Variants in BBOX1 observed in about 807,000 individuals in gnomAD.
The protein encoded by BBOX1 is gamma-butyrobetaine hydroxylase 1.
In BBOX1, 35 loss-of-function variants were observed where a neutral mutation model predicts 41.6. That is an observed-to-expected ratio of 0.84 (90% CI 0.64 to 1.11). The LOEUF is 1.11. Ranked by LOEUF, BBOX1 falls within the 50% of genes most tolerant of loss-of-function variation. BBOX1 has a pLI of 0.00. For missense variants in BBOX1, 458 were observed against 460.6 expected (o/e 0.99, Z 0.05); for synonymous variants, 163 against 154.7 (o/e 1.05, Z -0.40).
chr11:27,057,345 T>C (rs757358767), intron 4 of BBOX1, 30 bp downstream of exon 4: 2 of 1,526,916 alleles, frequency 1.3e-6, no homozygotes, highest in Non-Finnish European at 1.8e-6. Context: ...CAATGTCTTT[T>C]TAAACCCTTA....
At chr11:27,085,777 C>G (rs987982525) in intron 4 of BBOX1, among the ~76,000 whole-genome samples, 2 of 152,092 alleles carry the variant, frequency 1.3e-5, no homozygotes, top group Non-Finnish European at 2.9e-5. Flanking sequence ...AAAGCTAGGC[C>G]TCTTGCACCA....
At chr11:27,080,310 G>C (rs1465487209) in intron 4 of BBOX1, among the ~76,000 whole-genome samples, 1 of 151,916 alleles carries the variant, frequency 6.6e-6, no homozygotes, top group Non-Finnish European at 1.5e-5. Context: ...ATTTGTATGG[G>C]TCCTCTCTCT....
At chr11:27,047,346 G>A (rs1200501282) in intron 2 of BBOX1, 2 of 152,174 alleles carry the variant, frequency 1.3e-5, no homozygotes, top group African/African-American at 4.8e-5. Flanking sequence ...AAAACAGATA[G>A]AAAGCTCAAA....
intron 5 of BBOX1, among the ~76,000 whole-genome samples, chr11:27,097,023 CT>C (rs1207217341): frequency 5.9e-5 from 9 of 152,058 alleles, no homozygotes; most frequent in Non-Finnish European, 1.2e-4. Flanking sequence ...AGTAACTTTA[CT>C]CACTTGATAA....
In BBOX1 at chr11:27,102,478, C is replaced by T. The variant is rs1858697379; in HGVS notation, c.533+9112C>T. On this transcript the variant is annotated intron_variant, in intron 5 of 8. Transcript: ENST00000263182. ...TATCCCAACCAAGCATAAACCTTGC[C>T]TTTTTCCCCAAGTGTAATGGCTTTC... Among the ~76,000 whole-genome samples the T allele has an allele frequency of 1.3e-5, 2 of 151,994 alleles. 1 individual carries two copies. The highest frequency in any genetic ancestry group is 4.1e-4 in the South Asian group (2 of 4,826).
chr11:27,116,180 A>C (rs998205947), intron 6 of BBOX1, among the ~76,000 whole-genome samples: 2 of 152,020 alleles, frequency 1.3e-5, no homozygotes, highest in East Asian at 3.9e-4. Context: ...AGGGACATGG[A>C]TGAAGATGGA....
intron 5 of BBOX1, among the ~76,000 whole-genome samples, chr11:27,102,080 G>T (rs1278006640): frequency 1.3e-5 from 2 of 151,986 alleles, no homozygotes; most frequent in Admixed American, 1.3e-4. Context: ...TACATACGTT[G>T]ACATAAGCTT....
At chr11:27,042,413 T>A (rs1187798470) in intron 2 of BBOX1, among the ~76,000 whole-genome samples, 1 of 152,198 alleles carries the variant, frequency 6.6e-6, no homozygotes, top group Non-Finnish European at 1.5e-5. Flanking sequence ...AATGCAGTGA[T>A]GCAATCACAG....
chr11:27,044,282 A>G (rs1482582066), intron 2 of BBOX1, among the ~76,000 whole-genome samples: 1 of 151,632 alleles, frequency 6.6e-6, no homozygotes, highest in African/African-American at 2.4e-5. Flanking sequence ...CCCATTTTTG[A>G]TGGGTTTTTT....
intron 4 of BBOX1, among the ~76,000 whole-genome samples, chr11:27,074,211 A>C (rs987619709): frequency 1.3e-5 from 2 of 152,018 alleles, no homozygotes; most frequent in African/African-American, 4.8e-5. Flanking sequence ...TGGAACTGTG[A>C]ATCAATTAAA....
intron 4 of BBOX1, among the ~76,000 whole-genome samples, chr11:27,083,295 C>G (rs1471444282): frequency 6.6e-6 from 1 of 151,974 alleles, no homozygotes; most frequent in East Asian, 1.9e-4. Flanking sequence ...AGGAAAGGAG[C>G]AATATTGGTG....
chr11:27,111,679 T>G (rs920354692), intron 5 of BBOX1, among the ~76,000 whole-genome samples: 2 of 151,906 alleles, frequency 1.3e-5, no homozygotes, highest in African/African-American at 4.8e-5. Context: ...GTTTAATACT[T>G]TTTCATAAAT....
At chr11:27,083,804 T>C (rs1857937718) in intron 4 of BBOX1, among the ~76,000 whole-genome samples, 1 of 152,150 alleles carries the variant, frequency 6.6e-6, no homozygotes, top group African/African-American at 2.4e-5. Context: ...TCTCTTTGCA[T>C]AGCAAGGATT....
rs766653293 is a variant in BBOX1 at position 27,119,780 on chromosome 11, G to A, written c.771G>A (p.Val257=). 1 of 1,600,058 alleles carries A rather than the reference G, an allele frequency of 6.2e-7. No homozygotes were observed. Among genetic ancestry groups the A allele is most frequent in the East Asian group, 2.3e-5 (1 of 43,970 alleles). ...TCCAGATTTTGTCCTCTACCTTTGT[G>A]GACTTTACAGACATTGGAGTGGATT... ...QAFQILSSTF[V]DFTDIGVDYC... The change falls in exon 7 of 9, where the codon GTG becomes GTA. Residue 257 remains valine (V), a synonymous_variant. Coordinates refer to ENST00000263182, the MANE Select transcript of BBOX1 (RefSeq NM_003986.3).
At chr11:27,088,931 C>T (rs901399727) in intron 4 of BBOX1, among the ~76,000 whole-genome samples, 5 of 151,936 alleles carry the variant, frequency 3.3e-5, no homozygotes, top group African/African-American at 1.2e-4. Flanking sequence ...ATTATTGATA[C>T]TATGGATCTT....
chr11:27,044,574 G>A (rs148164836), intron 2 of BBOX1, among the ~76,000 whole-genome samples: 219 of 152,198 alleles, frequency 1.4e-3, no homozygotes, highest in African/African-American at 4.3e-3. Flanking sequence ...TAGGTCTTGC[G>A]TTTAAGTCTT....
chr11:27,107,599 C>T (rs1858915232), intron 5 of BBOX1, among the ~76,000 whole-genome samples: 1 of 151,882 alleles, frequency 6.6e-6, no homozygotes, highest in Non-Finnish European at 1.5e-5. Context: ...TGAGTTGTTG[C>T]CTTACTTGGA....
intron 4 of BBOX1, among the ~76,000 whole-genome samples, chr11:27,081,801 G>A (rs1857846623): frequency 6.6e-6 from 1 of 152,126 alleles, no homozygotes. Context: ...TTTCACTAAT[G>A]ACCAGTGATG....
At chr11:27,058,736 G>A (rs1023560527) in intron 4 of BBOX1, among the ~76,000 whole-genome samples, 6 of 152,086 alleles carry the variant, frequency 3.9e-5, no homozygotes, top group Non-Finnish European at 7.4e-5. Flanking sequence ...GATGACCTAC[G>A]GTATCTAGTG....
Sources: gnomAD v4.1 joint callset for allele counts (sites outside exome capture counted in the v4.1 genomes callset) on GRCh38, gnomAD v4.1.1 for gene constraint, MANE v1.5 for transcripts, NCBI Gene and HGNC (gene_info 2026-07-23, HGNC 2026-07-21) for gene names.